The following ARID4B variants were observed in gnomAD, a reference collection of about 807,000 sequenced individuals.
The protein encoded by ARID4B is AT-rich interaction domain 4B.
ARID4B carries 26 observed loss-of-function variants against 147.5 expected under a neutral mutation model. That is an observed-to-expected ratio of 0.18 (90% CI 0.13 to 0.24). The LOEUF is 0.24. Among genes scored for constraint, ARID4B ranks in the 10% least tolerant of loss-of-function variants. ARID4B has a pLI of 1.00. For missense variants in ARID4B, 1,179 were observed against 1,511.5 expected (o/e 0.78, Z 3.65); for synonymous variants, 512 against 507.9 (o/e 1.01, Z -0.11).
At chr1:235,290,045 A>C (rs946116618) in intron 2 of ARID4B, among the ~76,000 whole-genome samples, 5 of 151,868 alleles carry the variant, frequency 3.3e-5, no homozygotes, top group Admixed American at 3.3e-4. Flanking sequence ...AAAAAAAAAA[A>C]ACCCACACCA....
At chr1:235,274,670 G>T (rs180833088) in intron 2 of ARID4B, among the ~76,000 whole-genome samples, 232 of 152,018 alleles carry the variant, frequency 1.5e-3, no homozygotes, top group African/African-American at 5.2e-3. Flanking sequence ...AGAGAATTTC[G>T]GAGAAGTCCA....
chr1:235,232,672 G>C (rs556124213), intron 9 of ARID4B, among the ~76,000 whole-genome samples: 2 of 152,032 alleles, frequency 1.3e-5, no homozygotes, highest in East Asian at 3.9e-4. Context: ...ATCAGATCCT[G>C]TACATTTTAT....
intron 2 of ARID4B, among the ~76,000 whole-genome samples, chr1:235,323,176 T>TA (rs1331246706): frequency 1.3e-5 from 2 of 151,706 alleles, no homozygotes; most frequent in Non-Finnish European, 2.9e-5. Context: ...TAGCTGGGAA[T>TA]ACAGGCATGC....
intron 3 of ARID4B, among the ~76,000 whole-genome samples, chr1:235,260,303 C>T (rs770972854): frequency 6.6e-6 from 1 of 152,156 alleles, no homozygotes; most frequent in Non-Finnish European, 1.5e-5. Context: ...GGCATAATGG[C>T]CTTGGAGAAA....
At chr1:235,233,609 A>G (rs1244111342) in intron 9 of ARID4B, among the ~76,000 whole-genome samples, 1 of 152,226 alleles carries the variant, frequency 6.6e-6, no homozygotes, top group African/African-American at 2.4e-5. Context: ...AAAAATTAAC[A>G]AATCATTTTC....
intron 2 of ARID4B, among the ~76,000 whole-genome samples, chr1:235,273,815 T>G (rs1301391806): frequency 6.6e-6 from 1 of 152,220 alleles, no homozygotes; most frequent in Admixed American, 6.5e-5. Context: ...CTTTTAATAT[T>G]GAGCACAGTG....
chr1:235,282,326 C>G (rs1671715757), intron 2 of ARID4B, among the ~76,000 whole-genome samples: 1 of 152,206 alleles, frequency 6.6e-6, no homozygotes, highest in Non-Finnish European at 1.5e-5. Context: ...AGCGCTGTCT[C>G]TAACTTACAA....
chr1:235,199,034 G>A (rs1322902464), intron 17 of ARID4B, among the ~76,000 whole-genome samples: 4 of 152,166 alleles, frequency 2.6e-5, no homozygotes, highest in African/African-American at 9.7e-5. Flanking sequence ...GGGAGGCGGA[G>A]GTTGCAGTGA....
chr1:235,170,086 A>C (rs1663235806), intron 23 of ARID4B, among the ~76,000 whole-genome samples: 1 of 152,356 alleles, frequency 6.6e-6, no homozygotes. Context: ...GGAACCTCCT[A>C]ATCACCCAAA....
rs577216281 is a variant in ARID4B at position 235,186,555 on chromosome 1, C to A, written c.2126-3762G>T. ...CCTCCCCAATAGCTGGGACTACAGG[C>A]ACACGCCAAGCTAATTTTTGTATTT... On this transcript the variant is annotated intron_variant, in intron 19 of 23. Transcript: ENST00000264183. Among the ~76,000 whole-genome samples the A allele has an allele frequency of 6.6e-5, 10 of 151,762 alleles. No individual in the cohort carries two copies. The South Asian group carries it at 2.1e-3, about 32-fold the overall frequency.
chr1:235,217,423 T>C (rs1283044866), intron 16 of ARID4B, among the ~76,000 whole-genome samples: 1 of 151,046 alleles, frequency 6.6e-6, no homozygotes, highest in Non-Finnish European at 1.5e-5. Context: ...TGCACTCATA[T>C]ACATACATAC....
chr1:235,300,132 T>TG (rs1276267210), intron 2 of ARID4B, among the ~76,000 whole-genome samples: 1 of 152,180 alleles, frequency 6.6e-6, no homozygotes, highest in African/African-American at 2.4e-5. Context: ...AAACAGGCTC[T>TG]GGGCCAGGCA....
chr1:235,256,205 A>G (rs1572091386), intron 4 of ARID4B, among the ~76,000 whole-genome samples: 1 of 150,772 alleles, frequency 6.6e-6, no homozygotes, highest in South Asian at 2.1e-4. Flanking sequence ...CAGCAGTTTT[A>G]CCGATCAATA....
At chr1:235,255,002 G>T (rs181960367) in intron 5 of ARID4B, among the ~76,000 whole-genome samples, 1 of 151,902 alleles carries the variant, frequency 6.6e-6, no homozygotes, top group East Asian at 1.9e-4. Context: ...AAAGTTTTTG[G>T]AGTATATTTT....
At position 235,307,332 on chromosome 1, in the gene ARID4B, C is replaced by T. The variant is rs141602975; in HGVS notation, c.6+19582G>A. Among the ~76,000 whole-genome samples the T allele has an allele frequency of 1.3e-4, 20 of 152,262 alleles. No individual in the cohort carries two copies. The East Asian group carries it at 3.9e-3, about 29-fold the overall frequency. On this transcript the variant is annotated intron_variant, in intron 2 of 23. Coordinates refer to ENST00000264183, the MANE Select transcript of ARID4B (RefSeq NM_016374.6). Reference sequence around the variant, plus strand: ...TGGTGGCGCAAGCCTGTATTCCCAGCTACTCAAGAGACTGAGATGGGAAGA... The same window carrying T: ...TGGTGGCGCAAGCCTGTATTCCCAGTTACTCAAGAGACTGAGATGGGAAGA...
At chr1:235,276,043 C>T (rs760903943) in intron 2 of ARID4B, among the ~76,000 whole-genome samples, 1 of 151,988 alleles carries the variant, frequency 6.6e-6, no homozygotes, top group Non-Finnish European at 1.5e-5. Context: ...GGGGCTGAGG[C>T]AGAAGGATCA....
At chr1:235,255,281 CTCTCTCTA>C (rs1229908483) in intron 5 of ARID4B, among the ~76,000 whole-genome samples, 124 of 145,208 alleles carry the variant, frequency 8.5e-4, no homozygotes, top group African/African-American at 3.0e-3. Flanking sequence ...CTCTCTCTCT[CTCTCTCTA>C]TATATATATA....
chr1:235,296,791 G>GAGGAAGTA (rs1672751583), intron 2 of ARID4B, among the ~76,000 whole-genome samples: 5 of 57,108 alleles, frequency 8.8e-5, no homozygotes, highest in Non-Finnish European at 2.0e-4. Flanking sequence ...AAAAAAAAAG[G>GAGGAAGTA]AGGAAGGAAG....
intron 2 of ARID4B, among the ~76,000 whole-genome samples, chr1:235,300,657 T>A (rs1457675162): frequency 6.6e-6 from 1 of 152,108 alleles, no homozygotes; most frequent in Non-Finnish European, 1.5e-5. Flanking sequence ...TATATTTAGC[T>A]TATTCTACAT....
Sources: gnomAD v4.1 joint callset for allele counts (sites outside exome capture counted in the v4.1 genomes callset) on GRCh38, gnomAD v4.1.1 for gene constraint, MANE v1.5 for transcripts, NCBI Gene and HGNC (gene_info 2026-07-23, HGNC 2026-07-21) for gene names.